PPFIA2: variants seen among roughly 807,000 people sequenced by gnomAD.
The protein encoded by PPFIA2 is PPFI scaffold protein A2.
A neutral mutation model predicts 175.5 loss-of-function variants in PPFIA2; 46 were observed. The ratio of observed to expected loss-of-function variants is 0.26; its 90% CI spans 0.21 to 0.34. The LOEUF is 0.34. Among genes scored for constraint, PPFIA2 ranks in the 10% least tolerant of loss-of-function variants. The probability of loss-of-function intolerance (pLI) is 1.00; values close to 1 mark genes in which losing one functional copy is unlikely to be tolerated. For missense variants in PPFIA2, 1,179 were observed against 1,506.1 expected (o/e 0.78, Z 3.60); for synonymous variants, 568 against 511.4 (o/e 1.11, Z -1.49).
chr12:81,469,422 G>C (rs1424075776), intron 4 of PPFIA2, among the ~76,000 whole-genome samples: 3 of 152,204 alleles, frequency 2.0e-5, no homozygotes, highest in African/African-American at 7.2e-5. Flanking sequence ...ACGCTGTGAT[G>C]GGGTTATATC....
chr12:81,512,302 T>C, intron 4 of PPFIA2: 1 of 1,288,556 alleles, frequency 7.8e-7, no homozygotes, highest in Non-Finnish European at 1.0e-6. Flanking sequence ...CTGGTCGGCC[T>C]CTGGCTCTCC....
At chr12:81,375,075 C>T (rs556928629) in intron 10 of PPFIA2, among the ~76,000 whole-genome samples, 6 of 151,984 alleles carry the variant, frequency 3.9e-5, no homozygotes, top group South Asian at 4.1e-4. Context: ...GATATACCAC[C>T]GTAGCAAAAT....
intron 4 of PPFIA2, among the ~76,000 whole-genome samples, chr12:81,655,322 T>C (rs2067616604): frequency 6.6e-6 from 1 of 151,764 alleles, no homozygotes; most frequent in Non-Finnish European, 1.5e-5. Flanking sequence ...ACACCATTAT[T>C]TTTTTCTATA....
chr12:81,659,657 G>C (rs924008113), intron 4 of PPFIA2, among the ~76,000 whole-genome samples: 1 of 152,154 alleles, frequency 6.6e-6, no homozygotes, highest in South Asian at 2.1e-4. Context: ...AAAGGCAGCA[G>C]AAACCTCTGC....
chr12:81,692,517 C>T (rs938622303), intron 3 of PPFIA2, among the ~76,000 whole-genome samples: 2 of 152,036 alleles, frequency 1.3e-5, no homozygotes, highest in Non-Finnish European at 2.9e-5. Flanking sequence ...CTATGTTCAC[C>T]ATACAAGTGC....
At position 81,473,737 on chromosome 12, in the gene PPFIA2, C is replaced by T. The variant is rs1433732670; in HGVS notation, c.304-15871G>A. Among the ~76,000 whole-genome samples the T allele has an allele frequency of 2.6e-5, 4 of 152,180 alleles. No individual in the cohort carries two copies. The East Asian group carries it at 7.7e-4, about 29-fold the overall frequency. ...AAAATATAAAGTATAGATCATAGTC[C>T]AAGTTAGAAAAATATCCTACCAAAA... is the stretch of plus-strand genomic sequence containing the variant. On this transcript the variant is annotated intron_variant, in intron 4 of 32. Coordinates refer to ENST00000549396, the MANE Select transcript of PPFIA2 (RefSeq NM_003625.5).
intron 3 of PPFIA2, among the ~76,000 whole-genome samples, chr12:81,678,815 T>C (rs551552448): frequency 7.9e-5 from 12 of 152,022 alleles, no homozygotes; most frequent in African/African-American, 2.6e-4. Flanking sequence ...CAGCTTAAAA[T>C]AGATTTCTGG....
intron 4 of PPFIA2, among the ~76,000 whole-genome samples, chr12:81,498,337 A>G (rs1474022961): frequency 6.6e-6 from 1 of 152,196 alleles, no homozygotes; most frequent in Non-Finnish European, 1.5e-5. Flanking sequence ...TTCAGGATAC[A>G]GATGAAATGT....
chr12:81,453,471 G>A (rs1593226936), intron 5 of PPFIA2, among the ~76,000 whole-genome samples: 2 of 151,672 alleles, frequency 1.3e-5, no homozygotes, highest in East Asian at 1.9e-4. Context: ...ATAACATCAG[G>A]AATAAATTAT....
intron 3 of PPFIA2, among the ~76,000 whole-genome samples, chr12:81,738,827 T>A (rs1183282052): frequency 6.6e-6 from 1 of 151,934 alleles, no homozygotes; most frequent in African/African-American, 2.4e-5. Flanking sequence ...CAGAAATTGT[T>A]TATTATTTGT....
At chr12:81,520,734 C>T (rs1324248707) in intron 4 of PPFIA2, among the ~76,000 whole-genome samples, 1 of 152,040 alleles carries the variant, frequency 6.6e-6, no homozygotes, top group Non-Finnish European at 1.5e-5. Context: ...AGGTGGTGAC[C>T]ACCCTTCCTG....
At chr12:81,688,977 TATTCAA>T (rs2074866424) in intron 3 of PPFIA2, among the ~76,000 whole-genome samples, 5 of 151,704 alleles carry the variant, frequency 3.3e-5, no homozygotes, top group Admixed American at 3.3e-4. Flanking sequence ...AGATGATCTA[TATTCAA>T]ATTCAAGTTC....
chr12:81,381,223 A>G (rs1198797781), intron 9 of PPFIA2, among the ~76,000 whole-genome samples: 2 of 152,136 alleles, frequency 1.3e-5, no homozygotes, highest in Non-Finnish European at 2.9e-5. Flanking sequence ...ATATATACAT[A>G]GAAACGATGG....
At chr12:81,507,082 T>A (rs1261657125) in intron 4 of PPFIA2, among the ~76,000 whole-genome samples, 1 of 152,210 alleles carries the variant, frequency 6.6e-6, no homozygotes, top group Non-Finnish European at 1.5e-5. Flanking sequence ...TAGTATTTTT[T>A]TTTCTATGGT....
intron 4 of PPFIA2, among the ~76,000 whole-genome samples, chr12:81,566,359 T>C (rs1356178615): frequency 1.3e-5 from 2 of 151,518 alleles, no homozygotes; most frequent in Non-Finnish European, 2.9e-5. Flanking sequence ...CCATCTGTAC[T>C]AAGAAAATAC....
intron 4 of PPFIA2, among the ~76,000 whole-genome samples, chr12:81,666,023 C>G (rs2070170997): frequency 6.6e-6 from 1 of 152,146 alleles, no homozygotes; most frequent in Admixed American, 6.5e-5. Flanking sequence ...CTCATCATCA[C>G]TGGCCATCAG....
chr12:81,387,666 C>T (rs2039279472), intron 8 of PPFIA2, among the ~76,000 whole-genome samples: 1 of 152,070 alleles, frequency 6.6e-6, no homozygotes, highest in Non-Finnish European at 1.5e-5. Flanking sequence ...TACTTGTAGA[C>T]TTTATACAGG....
At chr12:81,262,232 A>T (rs2035832893) in intron 31 of PPFIA2, among the ~76,000 whole-genome samples, 192 bp from the exon 32 acceptor site, 1 of 152,192 alleles carries the variant, frequency 6.6e-6, no homozygotes, top group East Asian at 1.9e-4. Context: ...AATGTAAATG[A>T]CCTGAGCTTT....
intron 4 of PPFIA2, among the ~76,000 whole-genome samples, chr12:81,495,053 C>T (rs1283066477): frequency 1.3e-5 from 2 of 151,574 alleles, no homozygotes; most frequent in African/African-American, 4.9e-5. Flanking sequence ...TGTAACTAAC[C>T]TGCACATTGT....
Sources: gnomAD v4.1 joint callset for allele counts (sites outside exome capture counted in the v4.1 genomes callset) on GRCh38, gnomAD v4.1.1 for gene constraint, MANE v1.5 for transcripts, NCBI Gene and HGNC (gene_info 2026-07-23, HGNC 2026-07-21) for gene names.